NLGN1: variants seen among roughly 807,000 people sequenced by gnomAD.
NLGN1 encodes the protein neuroligin-1.
A neutral mutation model predicts 65.5 loss-of-function variants in NLGN1; 12 were observed. That is an observed-to-expected ratio of 0.18 (90% confidence interval 0.12 to 0.30). The LOEUF (loss-of-function observed/expected upper bound fraction) is 0.30. NLGN1 is among the 10% of genes least tolerant of loss of function. NLGN1 has a pLI of 1.00. For synonymous variants in NLGN1, 350 were observed against 359.5 expected (o/e 0.97, Z 0.30); for missense variants, 750 against 1,007.1 (o/e 0.74, Z 3.46).
intron 4 of NLGN1, among the ~76,000 whole-genome samples, chr3:174,061,417 A>G (rs998160844): frequency 4.6e-5 from 7 of 152,156 alleles, no homozygotes; most frequent in African/African-American, 1.4e-4. Context: ...GAAAGCCAGT[A>G]GAATTGGTAA....
chr3:173,999,034 G>A (rs903512718), intron 4 of NLGN1, among the ~76,000 whole-genome samples: 1 of 152,200 alleles, frequency 6.6e-6, no homozygotes, highest in Non-Finnish European at 1.5e-5. Context: ...ATAAGGATCA[G>A]CAATAATCTT....
chr3:173,986,384 G>A (rs946429006), intron 4 of NLGN1, among the ~76,000 whole-genome samples: 12 of 151,888 alleles, frequency 7.9e-5, no homozygotes, highest in African/African-American at 2.9e-4. Flanking sequence ...AAGGAGAATC[G>A]CTCAAACCCA....
intron 3 of NLGN1, among the ~76,000 whole-genome samples, chr3:173,780,031 A>C (rs1780887378): frequency 6.6e-6 from 1 of 152,206 alleles, no homozygotes; most frequent in Non-Finnish European, 1.5e-5. Context: ...ATTAAAATAC[A>C]TGAATAAAAT....
chr3:173,517,750 T>TATCTATCTATC (rs1734041553), intron 2 of NLGN1, among the ~76,000 whole-genome samples: 1 of 147,132 alleles, frequency 6.8e-6, no homozygotes, highest in Non-Finnish European at 1.5e-5. Context: ...TTTCGCAAAT[T>TATCTATCTATC]TATCTATCTA....
chr3:173,419,927 C>T (rs138582480), intron 1 of NLGN1, among the ~76,000 whole-genome samples: 4,807 of 151,180 alleles, frequency 0.032, 148 homozygotes, highest in African/African-American at 0.068. Context: ...AAGCCGAGAT[C>T]GCACCATTGC....
At chr3:174,272,703 A>T (rs953347290) in intron 4 of NLGN1, among the ~76,000 whole-genome samples, 2 of 151,122 alleles carry the variant, frequency 1.3e-5, no homozygotes, top group African/African-American at 2.4e-5. Flanking sequence ...AGATAGATAG[A>T]TAGATATAGA....
At chr3:173,694,939 G>C (rs16829698) in intron 3 of NLGN1, among the ~76,000 whole-genome samples, 5,897 of 152,216 alleles carry the variant, frequency 0.039, 137 homozygotes, top group Middle Eastern at 0.048. Flanking sequence ...GTTGAGGTGT[G>C]AGTAACTTTC....
intron 4 of NLGN1, among the ~76,000 whole-genome samples, chr3:173,964,368 A>C (rs532828450): frequency 1.3e-4 from 20 of 152,338 alleles, no homozygotes; most frequent in South Asian, 1.2e-3. Flanking sequence ...ATCTACTGCA[A>C]CATGCAGCTG....
chr3:173,448,706 T>C (rs1489274416), intron 2 of NLGN1, among the ~76,000 whole-genome samples: 5 of 152,200 alleles, frequency 3.3e-5, no homozygotes, highest in Non-Finnish European at 2.9e-5. Flanking sequence ...CTTTTTTTGG[T>C]TGGTAAGCTA....
At chr3:173,571,969 A>C (rs1559984942) in intron 2 of NLGN1, among the ~76,000 whole-genome samples, 2 of 152,248 alleles carry the variant, frequency 1.3e-5, no homozygotes, top group Non-Finnish European at 2.9e-5. Flanking sequence ...AGCCACTTCC[A>C]CATTGCAGAT....
At chr3:173,602,131 A>C (rs28557413) in intron 2 of NLGN1, among the ~76,000 whole-genome samples, 11,993 of 152,070 alleles carry the variant, frequency 0.079, 1,586 homozygotes, top group African/African-American at 0.27. Flanking sequence ...GTTCCTCATG[A>C]GTAAGAAGGG....
At chr3:173,542,656 A>G (rs1739087416) in intron 2 of NLGN1, among the ~76,000 whole-genome samples, 1 of 151,958 alleles carries the variant, frequency 6.6e-6, no homozygotes, top group Non-Finnish European at 1.5e-5. Flanking sequence ...GTTTCTTTTA[A>G]CCTAGTATAA....
intron 4 of NLGN1, among the ~76,000 whole-genome samples, chr3:173,940,602 C>G (rs1282568729): frequency 6.6e-6 from 1 of 152,092 alleles, no homozygotes; most frequent in Admixed American, 6.5e-5. Context: ...TCTTTCCCTC[C>G]AAGTGCCAAA....
chr3:173,983,969 TA>T (rs1263689065), intron 4 of NLGN1, among the ~76,000 whole-genome samples: 1 of 152,190 alleles, frequency 6.6e-6, no homozygotes, highest in Non-Finnish European at 1.5e-5. Flanking sequence ...ACTGAATTTT[TA>T]AACAAAAATT....
chr3:173,945,202 G>A (rs1746926627), intron 4 of NLGN1, among the ~76,000 whole-genome samples: 1 of 151,922 alleles, frequency 6.6e-6, no homozygotes. Context: ...TTTCCGTCAT[G>A]CCTGGTCTCC....
upstream of NLGN1, chr3:173,398,330 CTG>C (rs533463569): frequency 1.6e-4 from 24 of 152,294 alleles, no homozygotes; most frequent in African/African-American, 5.3e-4. Context: ...GTTTTCAGAT[CTG>C]TGTGTTTCCA....
At chr3:174,277,756 A>G (rs947210907) in intron 5 of NLGN1, among the ~76,000 whole-genome samples, 3 of 151,916 alleles carry the variant, frequency 2.0e-5, no homozygotes, top group Non-Finnish European at 4.4e-5. Context: ...ATATATAGGC[A>G]TATTAGGTTA....
At chr3:173,758,599 C>T (rs1184567728) in intron 3 of NLGN1, among the ~76,000 whole-genome samples, 3 of 151,902 alleles carry the variant, frequency 2.0e-5, no homozygotes, top group African/African-American at 7.2e-5. Context: ...TAATTAGCTC[C>T]AAATGAATCT....
intron 4 of NLGN1, among the ~76,000 whole-genome samples, chr3:174,052,561 T>C (rs1340950506): frequency 6.6e-6 from 1 of 152,024 alleles, no homozygotes; most frequent in African/African-American, 2.4e-5. Context: ...CACTGAATAC[T>C]GATATACAAG....
Sources: allele counts gnomAD v4.1 joint callset (sites outside exome capture counted in the v4.1 genomes callset), GRCh38; gene constraint gnomAD v4.1.1; transcripts MANE v1.5; gene names NCBI Gene and HGNC (gene_info 2026-07-23, HGNC 2026-07-21).